PCDHGA3: variants seen among roughly 807,000 people sequenced by gnomAD.
PCDHGA3 encodes the protein protocadherin gamma-A3.
Under a neutral mutation model 58.5 loss-of-function variants are expected in PCDHGA3, and 40 were observed. The ratio of observed to expected loss-of-function variants is 0.68; its 90% CI spans 0.53 to 0.89. The LOEUF (loss-of-function observed/expected upper bound fraction) is 0.89, where lower values mean the gene tolerates loss of function less well. PCDHGA3 is among the 40% of genes least tolerant of loss of function. The probability of loss-of-function intolerance (pLI) is 0.00; values close to 1 mark genes in which losing one functional copy is unlikely to be tolerated. For missense variants in PCDHGA3, 1,223 were observed against 1,195.9 expected (o/e 1.02, Z -0.33); for synonymous variants, 530 against 525.7 (o/e 1.01, Z -0.11).
At chr5:141,472,980 C>CAAAAAAAAAAAAAAAAGAAAA (rs2099308501) in intron 1 of PCDHGA3, among the ~76,000 whole-genome samples, 1 of 86,106 alleles carries the variant, frequency 1.2e-5, no homozygotes, top group Non-Finnish European at 2.5e-5. Context: ...GAGTGAAACT[C>CAAAAAAAAAAAAAAAAGAAAA]AAAAAAAAAA....
chr5:141,345,854 C>A lies in PCDHGA3; in HGVS notation c.1821C>A (p.Arg607=), dbSNP rs529957472. The change falls in exon 1 of 4, where the codon CGC becomes CGA. Residue 607 remains arginine (R), a synonymous_variant. Transcript: ENST00000253812. ...GCCAGAACGCCTGGCTGTCCTACCG[C>A]CTGCTCAAGGCCAGCGAGCCGGGAC... ...DSGQNAWLSY[R]LLKASEPGLF... is the part of the protein sequence containing the mutation. The A allele has an allele frequency of 5.4e-5, 87 of 1,613,508 alleles. No individual in the cohort carries two copies. The South Asian group carries it at 8.8e-4, about 16-fold the overall frequency.
chr5:141,488,014 C>T (rs2099670661), intron 1 of PCDHGA3, among the ~76,000 whole-genome samples: 1 of 152,120 alleles, frequency 6.6e-6, no homozygotes, highest in South Asian at 2.1e-4. Context: ...TCTGAAGTAC[C>T]TTAACTCTAG....
chr5:141,418,867 A>T, intron 1 of PCDHGA3: 1 of 1,613,968 alleles, frequency 6.2e-7, no homozygotes, highest in Non-Finnish European at 8.5e-7. Context: ...TAATTGTAGA[A>T]GTTGTAGACG....
intron 1 of PCDHGA3, chr5:141,427,797 G>A (rs1194658203): frequency 6.0e-6 from 9 of 1,505,188 alleles, no homozygotes; most frequent in Admixed American, 3.4e-5. Context: ...CTACGTGTCC[G>A]TGAGCGCACA....
intron 1 of PCDHGA3, chr5:141,374,954 A>G: frequency 6.2e-7 from 1 of 1,613,990 alleles, no homozygotes. Flanking sequence ...GATCTCACAA[A>G]TTTTCTGTTT....
chr5:141,346,467 T>C lies in PCDHGA3; in HGVS notation c.2424+10T>C. 1 of 1,613,966 alleles carries C rather than the reference T, an allele frequency of 6.2e-7. No homozygotes were observed. Among genetic ancestry groups the C allele is most frequent in the Non-Finnish European group, 8.5e-7 (1 of 1,179,902 alleles). ...TTCCAACCTACTTCAGGTGAGTTTA[T>C]TTATTTCTTTGATTATTAAGAACAA... On this transcript the variant is annotated intron_variant, in intron 1 of 3. Transcript: ENST00000253812.
intron 1 of PCDHGA3, among the ~76,000 whole-genome samples, chr5:141,407,339 T>C (rs958646781): frequency 3.3e-5 from 5 of 152,222 alleles, no homozygotes; most frequent in Non-Finnish European, 7.3e-5. Context: ...TTGAAATGTA[T>C]GTTAATTTGG....
chr5:141,382,856 G>A, intron 1 of PCDHGA3: 1 of 1,504,886 alleles, frequency 6.6e-7, no homozygotes, highest in Non-Finnish European at 8.9e-7. Context: ...GCATTCTGAA[G>A]CACTTCCCGA....
rs780665474 is a variant in PCDHGA3 at position 141,371,288 on chromosome 5, G to C, written c.2424+24831G>C. The C allele has an allele frequency of 2.5e-6, 4 of 1,613,874 alleles. No homozygotes were observed. The East Asian group carries it at 6.7e-5, about 27-fold the overall frequency. ...AACTGTTCAAGCTGGACAGTAAAAC[G>C]GGGGAACTCACCACTATTGGAGAAC... On this transcript the variant is annotated intron_variant, in intron 1 of 3. Transcript: ENST00000253812.
At chr5:141,362,239 C>G in intron 1 of PCDHGA3, 1 of 1,614,060 alleles carries the variant, frequency 6.2e-7, no homozygotes, top group Non-Finnish European at 8.5e-7. Flanking sequence ...GATCTCAGTG[C>G]TCTTCTTCCT....
intron 3 of PCDHGA3, among the ~76,000 whole-genome samples, chr5:141,506,879 G>T (rs958969109): frequency 6.6e-6 from 1 of 152,172 alleles, no homozygotes; most frequent in Non-Finnish European, 1.5e-5. Flanking sequence ...AGAACCAGGT[G>T]AAATCACAAG....
intron 1 of PCDHGA3, among the ~76,000 whole-genome samples, chr5:141,467,743 C>T (rs1166073224): frequency 8.5e-5 from 13 of 152,052 alleles, no homozygotes; most frequent in Non-Finnish European, 1.8e-4. Flanking sequence ...CTCGCTGCAA[C>T]CTCCGCCTCA....
intron 1 of PCDHGA3, chr5:141,412,995 T>G: frequency 1.7e-6 from 1 of 572,718 alleles, no homozygotes. Flanking sequence ...TCAATCCGGA[T>G]TCTCAGGGCT....
intron 1 of PCDHGA3, chr5:141,399,810 C>A (rs148150333): frequency 2.5e-6 from 4 of 1,613,076 alleles, no homozygotes; most frequent in Middle Eastern, 1.7e-4. Flanking sequence ...TGCTGTACCC[C>A]GCGCTGGGTC....
At chr5:141,389,778 G>A (rs886099464) in intron 1 of PCDHGA3, 3 of 1,613,134 alleles carry the variant, frequency 1.9e-6, no homozygotes, top group Non-Finnish European at 2.5e-6. Flanking sequence ...TGCCTTAGGC[G>A]ACAGGGACGC....
intron 1 of PCDHGA3, chr5:141,362,629 G>A (rs1314036163): frequency 2.1e-5 from 32 of 1,492,692 alleles, no homozygotes; most frequent in Middle Eastern, 1.9e-4. Context: ...GTTCCACTGC[G>A]TATTTCTTTG....
chr5:141,451,874 C>T (rs1264178631), intron 1 of PCDHGA3, among the ~76,000 whole-genome samples: 1 of 151,956 alleles, frequency 6.6e-6, no homozygotes, highest in Non-Finnish European at 1.5e-5. Context: ...GAATGAAACC[C>T]TGTCAAGAAA....
At position 141,409,157 on chromosome 5, in the gene PCDHGA3, G is replaced by C. The variant is rs774813801; in HGVS notation, c.2424+62700G>C. 4 of 1,614,054 alleles carry C rather than the reference G, an allele frequency of 2.5e-6. No homozygotes were observed. In the South Asian group the frequency reaches 4.4e-5, roughly 18 times the overall value. ...AGATGTAGAAAGGTACACCATGGAA[G>C]TGGAAGCGAAGGACGGAGGTGGTCT... On this transcript the variant is annotated intron_variant, in intron 1 of 3. Coordinates refer to ENST00000253812, the MANE Select transcript of PCDHGA3 (RefSeq NM_018916.4).
At position 141,388,901 on chromosome 5, in the gene PCDHGA3, T is replaced by G. The variant is rs776637275; in HGVS notation, c.2424+42444T>G. The G allele has an allele frequency of 2.5e-6, 4 of 1,613,722 alleles. No homozygotes were observed. The African/African-American group carries it at 5.3e-5, about 22-fold the overall frequency. On this transcript the variant is annotated intron_variant, in intron 1 of 3. Coordinates refer to ENST00000253812, the MANE Select transcript of PCDHGA3 (RefSeq NM_018916.4). ...TGGAGGTAGAAGTCATAGATGAAAA[T>G]GACAACGCCCCAGAAGTGATATTCC...
Sources: gnomAD v4.1 joint callset for allele counts (sites outside exome capture counted in the v4.1 genomes callset) on GRCh38, gnomAD v4.1.1 for gene constraint, MANE v1.5 for transcripts, NCBI Gene and HGNC (gene_info 2026-07-23, HGNC 2026-07-21) for gene names.